ADARB1: variants seen among roughly 807,000 people sequenced by gnomAD.
ADARB1 encodes adenosine deaminase RNA specific B1.
ADARB1 carries 10 observed loss-of-function variants against 52.4 expected under a neutral mutation model. The ratio of observed to expected loss-of-function variants is 0.19; its 90% CI spans 0.12 to 0.32. The LOEUF (loss-of-function observed/expected upper bound fraction) is 0.32. ADARB1 is among the 10% of genes least tolerant of loss of function. ADARB1 has a pLI of 1.00. For missense variants in ADARB1, 643 were observed against 922.3 expected (o/e 0.70, Z 3.92); for synonymous variants, 349 against 371.1 (o/e 0.94, Z 0.68).
intron 1 of ADARB1, among the ~76,000 whole-genome samples, chr21:45,107,137 A>G (rs1463325647): frequency 6.6e-6 from 1 of 152,250 alleles, no homozygotes; most frequent in East Asian, 1.9e-4. Context: ...CAATAGCAAC[A>G]ACGAGAAAAT....
chr21:45,147,787 A>G (rs180822504), intron 2 of ADARB1, among the ~76,000 whole-genome samples: 64 of 152,238 alleles, frequency 4.2e-4, no homozygotes, highest in Non-Finnish European at 6.9e-4. Context: ...CAGGTCAGCA[A>G]CTGTGAGCCT....
Position 45,224,213 on chromosome 21 carries a change from G to GTTT in ADARB1, c.*2017_*2019dup, listed in dbSNP as rs1427089700. 3.0e-6 allele frequency: 3 copies of GTTT among 985,318 alleles called. No homozygotes were observed. Among genetic ancestry groups the GTTT allele is most frequent in the Non-Finnish European group, 3.6e-6 (3 of 829,942 alleles). 61.0% of individuals were successfully genotyped at this position (985,318 alleles called of 1,614,324 possible). ...AAAATATGTGGATTTTGGTTACCAA[G>GTTT]TTTAGTGTTAATATATTCCATATAC... is the stretch of plus-strand genomic sequence containing the variant. On this transcript the variant is annotated 3_prime_UTR_variant, in exon 11 of 11. Coordinates refer to ENST00000348831, the MANE Select transcript of ADARB1 (RefSeq NM_001112.4).
At chr21:45,092,526 G>A (rs2086600837) in intron 1 of ADARB1, among the ~76,000 whole-genome samples, 1 of 152,132 alleles carries the variant, frequency 6.6e-6, no homozygotes, top group Admixed American at 6.5e-5. Context: ...CCTGGTAGGT[G>A]ACCTTTAAAT....
chr21:45,188,429 A>G (rs976556203), intron 8 of ADARB1, among the ~76,000 whole-genome samples: 1 of 152,158 alleles, frequency 6.6e-6, no homozygotes, highest in Admixed American at 6.5e-5. Flanking sequence ...TAATTGGGAA[A>G]TTTTTGATTA....
In ADARB1 at chr21:45,225,793, T is replaced by C. The variant is rs1797045076; in HGVS notation, c.*3596T>C. ...AAAATTATAGACTTGCTCAAAAGAT[T>C]CCTTTTTATCATCCCCACGCTGTGT... On this transcript the variant is annotated 3_prime_UTR_variant, in exon 11 of 11. Transcript: ENST00000348831. 2.5e-6 allele frequency: 1 copy of C among 393,698 alleles called. No individual in the cohort carries two copies. The highest frequency in any genetic ancestry group is 2.1e-5 in the African/African-American group (1 of 48,512). The allele number at this position is 393,698 out of a possible 1,614,324, so 24.4% of individuals were successfully genotyped here. A position where few individuals can be genotyped will look rare whatever the true frequency, so the allele number is the denominator to read the frequency against.
chr21:45,113,437 A>G (rs900037153), intron 1 of ADARB1, among the ~76,000 whole-genome samples: 3 of 151,694 alleles, frequency 2.0e-5, no homozygotes, highest in African/African-American at 7.3e-5. Context: ...ACAAAACAAA[A>G]CAAAACTATA....
At chr21:45,099,335 G>A (rs2086899160) in intron 1 of ADARB1, among the ~76,000 whole-genome samples, 1 of 152,116 alleles carries the variant, frequency 6.6e-6, no homozygotes, top group Non-Finnish European at 1.5e-5. Context: ...TTAAATTAGG[G>A]TCTTCGGATT....
chr21:45,110,388 C>T (rs2087479620), intron 1 of ADARB1, among the ~76,000 whole-genome samples: 1 of 152,180 alleles, frequency 6.6e-6, no homozygotes, highest in South Asian at 2.1e-4. Context: ...GCTGTGTTTT[C>T]TTGACCATCC....
chr21:45,124,067 C>T (rs534411850), intron 1 of ADARB1, among the ~76,000 whole-genome samples: 11 of 152,320 alleles, frequency 7.2e-5, no homozygotes, highest in Non-Finnish European at 1.0e-4. Flanking sequence ...AAGTGGATTA[C>T]ATAAATCGAT....
chr21:45,109,274 G>A (rs2087417024), intron 1 of ADARB1, among the ~76,000 whole-genome samples: 1 of 150,086 alleles, frequency 6.7e-6, no homozygotes, highest in Non-Finnish European at 1.5e-5. Flanking sequence ...TGCACTGCGC[G>A]CGTGTGCGCG....
chr21:45,201,751 A>G (rs927381827), intron 8 of ADARB1, among the ~76,000 whole-genome samples: 3 of 152,162 alleles, frequency 2.0e-5, no homozygotes, highest in African/African-American at 4.8e-5. Flanking sequence ...TCCAACATGG[A>G]TCTGTAAATT....
At position 45,142,721 on chromosome 21, in the gene ADARB1, G is replaced by A. The variant is rs867231123; in HGVS notation, c.-48+14148G>A. On this transcript the variant is annotated intron_variant, in intron 2 of 10. Coordinates refer to ENST00000348831, the MANE Select transcript of ADARB1 (RefSeq NM_001112.4). This position sits in a 1 kb window ranked among gnomAD's most constrained non-coding sequence, Gnocchi z 4.0. ...TGCCTACTGGGTGTGCAGCTGCTGC[G>A]GCCTAAGCGGCGTCCTTGCTTGGTC... Among the ~76,000 whole-genome samples, 1 of 152,134 alleles carries A rather than the reference G, an allele frequency of 6.6e-6. No homozygotes were observed. Among genetic ancestry groups the A allele is most frequent in the African/African-American group, 2.4e-5 (1 of 41,430 alleles).
chr21:45,093,435 G>A (rs1034097076), intron 1 of ADARB1, among the ~76,000 whole-genome samples: 1 of 152,232 alleles, frequency 6.6e-6, no homozygotes, highest in Non-Finnish European at 1.5e-5. Flanking sequence ...TCCTTGACAA[G>A]AGGAAGAGAG....
At position 45,176,378 on chromosome 21, in the gene ADARB1, C is replaced by T. The variant is rs1295244380; in HGVS notation, c.677C>T (p.Pro226Leu). Residue 226 changes from proline to leucine, a missense_variant, in exon 4 of 11, where the codon CCA (proline) becomes CTA (leucine). Physicochemically the swap from Pro to Leu is moderately conservative, Grantham distance 98. This residue lies in a region of ADARB1 where 380 missense variants were observed against 446.5 expected (regional missense o/e 0.85). Coordinates refer to ENST00000348831, the MANE Select transcript of ADARB1 (RefSeq NM_001112.4). The surrounding 1 kb of genome is among the most constrained non-coding windows in gnomAD (Gnocchi z 5.8). ...GCCCAGCCTCCTCTCCCTGTCTTAC[C>T]ACCATTCCCACCCCCGAGTGGGAAG... is the stretch of plus-strand genomic sequence containing the variant. The part of the protein sequence containing the change: ...SLAQPPLPVL[P>L]PFPPPSGKNP... 1 of 1,614,190 alleles carries T rather than the reference C, an allele frequency of 6.2e-7. No individual in the cohort carries two copies. Among genetic ancestry groups the T allele is most frequent in the Admixed American group, 1.7e-5 (1 of 60,034 alleles).
intron 8 of ADARB1, among the ~76,000 whole-genome samples, chr21:45,199,906 C>T (rs2092512430): frequency 6.6e-6 from 1 of 152,168 alleles, no homozygotes; most frequent in Non-Finnish European, 1.5e-5. Flanking sequence ...AGTCGGGGCT[C>T]ATGGACCTGA....
chr21:45,171,409 C>A (rs564977204), intron 2 of ADARB1, among the ~76,000 whole-genome samples: 23 of 152,334 alleles, frequency 1.5e-4, no homozygotes, highest in African/African-American at 5.5e-4. Context: ...CGCGAGAAGT[C>A]TTTTGCTGGA....
chr21:45,125,097 T>C (rs945183321), intron 1 of ADARB1, among the ~76,000 whole-genome samples: 1 of 152,194 alleles, frequency 6.6e-6, no homozygotes, highest in Non-Finnish European at 1.5e-5. Flanking sequence ...GCACCCAGCC[T>C]AATAAGTTGT....
chr21:45,198,630 G>T (rs1355000396), intron 8 of ADARB1, among the ~76,000 whole-genome samples: 1 of 152,170 alleles, frequency 6.6e-6, no homozygotes, highest in Non-Finnish European at 1.5e-5. Flanking sequence ...GACATCGTTT[G>T]TGGGATGATG....
intron 2 of ADARB1, among the ~76,000 whole-genome samples, chr21:45,150,385 TTG>T (rs921534982): frequency 9.9e-5 from 15 of 152,220 alleles, no homozygotes; most frequent in Non-Finnish European, 1.9e-4. Context: ...TTATAATTTT[TTG>T]TGTTTTCAAA....
Sources: allele counts gnomAD v4.1 joint callset (sites outside exome capture counted in the v4.1 genomes callset), GRCh38; gene constraint gnomAD v4.1.1; regional missense constraint gnomAD v4.1.1; non-coding constraint Gnocchi (gnomAD v3.1); transcripts MANE v1.5; gene names NCBI Gene and HGNC (gene_info 2026-07-23, HGNC 2026-07-21).